The following TIAM2 variants were observed in gnomAD, a reference collection of about 807,000 sequenced individuals.
The protein encoded by TIAM2 is TIAM Rac1 associated GEF 2, also known as rho guanine nucleotide exchange factor TIAM2.
TIAM2 carries 80 observed loss-of-function variants against 152.9 expected under a neutral mutation model. That is an observed-to-expected ratio of 0.52 (90% CI 0.44 to 0.63). The LOEUF (loss-of-function observed/expected upper bound fraction) is 0.63. TIAM2 is among the 30% of genes least tolerant of loss of function. The pLI, the probability that TIAM2 is intolerant of heterozygous loss-of-function variation, is 0.00. For synonymous variants in TIAM2, 804 were observed against 838.0 expected (o/e 0.96, Z 0.70); for missense variants, 1,965 against 2,120.1 (o/e 0.93, Z 1.44).
In TIAM2 at chr6:155,110,841, A is replaced by C. The variant is rs924901723; in HGVS notation, c.-117-16649A>C. 2.0e-5 allele frequency among the ~76,000 whole-genome samples: 3 copies of C among 152,242 alleles called. 1 individual carries two copies. The highest frequency in any genetic ancestry group is 7.2e-5 in the African/African-American group (3 of 41,470). ...GAAAGGGATGCAGTGGGCTCCACAG[A>C]TAATGTCAGGATGAAGTTGATTCAG... is the stretch of plus-strand genomic sequence containing the variant. On this transcript the variant is annotated intron_variant, in intron 2 of 26. Coordinates refer to ENST00000682666, the MANE Select transcript of TIAM2 (RefSeq NM_012454.4).
intron 14 of TIAM2, among the ~76,000 whole-genome samples, chr6:155,185,982 G>A (rs1484407013): frequency 1.3e-5 from 2 of 152,224 alleles, no homozygotes; most frequent in African/African-American, 4.8e-5. Flanking sequence ...TAGTTGCGTT[G>A]CTTGTGAAGG....
rs1003349783 is a variant in TIAM2, at chr6:155,257,244, T to G, written c.*123T>G. The G allele has an allele frequency of 9.2e-7, 1 of 1,090,834 alleles. No individual in the cohort carries two copies. Among genetic ancestry groups the G allele is most frequent in the African/African-American group, 1.6e-5 (1 of 62,548 alleles). 67.6% of individuals were successfully genotyped at this position (1,090,834 alleles called of 1,614,324 possible). Reference sequence around the variant, plus strand: ...TTCCTGGGTTTTGTGCAGTATACATTTTCCCACAAAATGGTTGTAAAGATT... The same window carrying G: ...TTCCTGGGTTTTGTGCAGTATACATGTTCCCACAAAATGGTTGTAAAGATT... On this transcript the variant is annotated 3_prime_UTR_variant, in exon 27 of 27. Transcript: ENST00000682666.
intron 2 of TIAM2, among the ~76,000 whole-genome samples, chr6:155,099,128 G>A (rs969888876): frequency 7.2e-5 from 11 of 151,972 alleles, no homozygotes; most frequent in Middle Eastern, 3.2e-3. Context: ...CAGAGGTTGC[G>A]GTGAGCCAAG....
intron 15 of TIAM2, among the ~76,000 whole-genome samples, chr6:155,239,578 G>A (rs1782929615): frequency 6.6e-6 from 1 of 152,274 alleles, no homozygotes; most frequent in African/African-American, 2.4e-5. Flanking sequence ...CAGATAGGCT[G>A]TCTTTGAGAA....
intron 2 of TIAM2, among the ~76,000 whole-genome samples, chr6:155,099,651 A>C (rs964744212): frequency 1.4e-4 from 22 of 152,228 alleles, no homozygotes; most frequent in Non-Finnish European, 2.5e-4. Flanking sequence ...ATAGCATTGA[A>C]GTTATTAACG....
At chr6:155,018,248 G>A (rs983424183) in intron 1 of TIAM2, among the ~76,000 whole-genome samples, 2 of 119,230 alleles carry the variant, frequency 1.7e-5, no homozygotes, top group Non-Finnish European at 3.6e-5. Flanking sequence ...AAAAAAAAAA[G>A]GTGTATATAT....
At chr6:155,130,480 G>T (rs978155379) in intron 4 of TIAM2, 63 bp downstream of exon 4, 2 of 1,459,228 alleles carry the variant, frequency 1.4e-6, no homozygotes, top group South Asian at 1.3e-5. Context: ...GAAGGGGAAG[G>T]TTAGTAGAAG....
In TIAM2 at chr6:155,040,167, A is replaced by G. The variant is rs1477777052; in HGVS notation, c.-209+44675A>G. Among the ~76,000 whole-genome samples the G allele has an allele frequency of 2.6e-5, 4 of 152,302 alleles. No homozygotes were observed. In the East Asian group the frequency reaches 7.7e-4, roughly 29 times the overall value. ...TATCCTTGTGTCAAAGAAGATGCAT[A>G]ATCTTCTCTTCTTTGGCAATTACTT... is the stretch of plus-strand genomic sequence containing the variant. On this transcript the variant is annotated intron_variant, in intron 1 of 26. Transcript: ENST00000682666.
Position 155,005,719 on chromosome 6 carries a change from A to G in TIAM2, c.-209+10227A>G, listed in dbSNP as rs147097569. Among the ~76,000 whole-genome samples the G allele has an allele frequency of 3.6e-3, 515 of 143,440 alleles. 2 individuals are homozygous for G. Among genetic ancestry groups the G allele is most frequent in the African/African-American group, 0.012 (472 of 38,034 alleles). 94.1% of individuals were successfully genotyped at this position (143,440 alleles called of 152,430 possible). On this transcript the variant is annotated intron_variant, in intron 1 of 26. Transcript: ENST00000682666. Reference sequence around the variant, plus strand: ...TGCCTAGGCTGGAGTGCAATGGTGTAATCTCGGCTCACTGCAACCTCTGCC... The same window carrying G: ...TGCCTAGGCTGGAGTGCAATGGTGTGATCTCGGCTCACTGCAACCTCTGCC...
chr6:154,999,653 G>A (rs1001672946), intron 1 of TIAM2, among the ~76,000 whole-genome samples: 1 of 152,022 alleles, frequency 6.6e-6, no homozygotes, highest in African/African-American at 2.4e-5. Context: ...AATGTCACCG[G>A]CCTCAGTTTC....
intron 7 of TIAM2, among the ~76,000 whole-genome samples, chr6:155,150,638 G>A (rs1056119939): frequency 6.6e-6 from 1 of 152,150 alleles, no homozygotes. Context: ...ATACTGTAAA[G>A]CGGGTGGCTT....
chr6:155,183,557 AG>A, intron 14 of TIAM2, 57 bp downstream of exon 14: 1 of 1,529,036 alleles, frequency 6.5e-7, no homozygotes, highest in East Asian at 2.3e-5. Context: ...CAATATTTTT[AG>A]GCTGTAATTT....
chr6:155,172,439 A>T, intron 9 of TIAM2, among the ~76,000 whole-genome samples: 1 of 151,660 alleles, frequency 6.6e-6, no homozygotes, highest in Non-Finnish European at 1.5e-5. Context: ...TTCAAATGCA[A>T]TTCCTCCCAT....
rs1165366642 is a variant in TIAM2, at chr6:155,182,131, T to C, written c.2708-95T>C. 24 of 1,001,712 alleles carry C rather than the reference T, an allele frequency of 2.4e-5. No homozygotes were observed. In the East Asian group the frequency reaches 5.5e-4, roughly 23 times the overall value. The allele number at this position is 1,001,712 out of a possible 1,614,324, so 62.1% of individuals were successfully genotyped here. A position where few individuals can be genotyped will look rare whatever the true frequency, so the allele number is the denominator to read the frequency against. On this transcript the variant is annotated intron_variant, in intron 12 of 26. Transcript: ENST00000682666. Reference sequence around the variant, plus strand: ...CGACTTTCTCAACATACTGTACTTATGAGAAAAGATGTTCAAGGAGATACT... The same window carrying C: ...CGACTTTCTCAACATACTGTACTTACGAGAAAAGATGTTCAAGGAGATACT...
intron 1 of TIAM2, among the ~76,000 whole-genome samples, chr6:155,054,541 G>A (rs970105265): frequency 2.6e-5 from 4 of 151,682 alleles, no homozygotes; most frequent in Non-Finnish European, 5.9e-5. Context: ...ACAATGAGAG[G>A]GATTTCTATT....
chr6:155,170,097 G>A (rs911747296), intron 9 of TIAM2, among the ~76,000 whole-genome samples: 2 of 152,116 alleles, frequency 1.3e-5, no homozygotes, highest in Non-Finnish European at 2.9e-5. Context: ...GATTACAGGC[G>A]TGAGCCACTG....
chr6:155,008,140 G>A (rs906664951), intron 1 of TIAM2, among the ~76,000 whole-genome samples: 1 of 152,150 alleles, frequency 6.6e-6, no homozygotes, highest in Non-Finnish European at 1.5e-5. Flanking sequence ...TTTATAGAGT[G>A]CATTGAAAAT....
chr6:155,128,548 C>G (rs1779352690), intron 3 of TIAM2, among the ~76,000 whole-genome samples: 1 of 152,104 alleles, frequency 6.6e-6, no homozygotes, highest in Non-Finnish European at 1.5e-5. Flanking sequence ...GATACTTTCC[C>G]TAATTTTTCT....
At chr6:154,996,763 T>C (rs1480120434) in intron 1 of TIAM2, among the ~76,000 whole-genome samples, 1 of 152,236 alleles carries the variant, frequency 6.6e-6, no homozygotes, top group Non-Finnish European at 1.5e-5. Context: ...TTAAGATTGT[T>C]ATGTTTTAAA....
Sources: gnomAD v4.1 joint callset for allele counts (sites outside exome capture counted in the v4.1 genomes callset) on GRCh38, gnomAD v4.1.1 for gene constraint, MANE v1.5 for transcripts, NCBI Gene and HGNC (gene_info 2026-07-23, HGNC 2026-07-21) for gene names.